The following PRKCI variants were observed in gnomAD, a reference collection of about 807,000 sequenced individuals.
PRKCI encodes protein kinase C iota type.
A neutral mutation model predicts 84.0 loss-of-function variants in PRKCI; 43 were observed. The observed-to-expected ratio is 0.51, with a 90% CI of 0.40 to 0.66. The LOEUF (loss-of-function observed/expected upper bound fraction) is 0.66, where lower values mean the gene tolerates loss of function less well. Ranked by LOEUF, PRKCI falls within the 30% of genes least tolerant of loss-of-function variation. The pLI, the probability that PRKCI is intolerant of heterozygous loss-of-function variation, is 0.00. For missense variants in PRKCI, 459 were observed against 745.6 expected (o/e 0.62, Z 4.48); for synonymous variants, 216 against 234.4 (o/e 0.92, Z 0.72).
intron 2 of PRKCI, among the ~76,000 whole-genome samples, chr3:170,257,355 G>A (rs934948281): frequency 6.6e-6 from 1 of 152,148 alleles, no homozygotes; most frequent in Non-Finnish European, 1.5e-5. Context: ...CTGGTTTCAT[G>A]ACCTTTGCAA....
intron 15 of PRKCI, among the ~76,000 whole-genome samples, chr3:170,296,535 G>A (rs1577377045): frequency 1.3e-5 from 2 of 152,162 alleles, no homozygotes; most frequent in East Asian, 3.8e-4. Flanking sequence ...GGATCTAGGA[G>A]TGTGGTCTTG....
intron 3 of PRKCI, among the ~76,000 whole-genome samples, chr3:170,260,327 A>G (rs1384198520): frequency 6.6e-6 from 1 of 152,226 alleles, no homozygotes; most frequent in Non-Finnish European, 1.5e-5. Flanking sequence ...AATTTATGAT[A>G]GAACTTAAAA....
chr3:170,301,345 A>G (rs1734812779), intron 17 of PRKCI, among the ~76,000 whole-genome samples: 1 of 152,222 alleles, frequency 6.6e-6, no homozygotes, highest in South Asian at 2.1e-4. Flanking sequence ...TGTGAAGAAT[A>G]AATGCATGAT....
intron 12 of PRKCI, among the ~76,000 whole-genome samples, chr3:170,289,282 T>TTA (rs1734477317): frequency 6.6e-6 from 1 of 152,220 alleles, no homozygotes; most frequent in East Asian, 1.9e-4. Flanking sequence ...TAGCATATAA[T>TTA]ATCCCTTTTA....
At chr3:170,246,119 A>AT (rs200136331) in intron 2 of PRKCI, among the ~76,000 whole-genome samples, 3,168 of 150,052 alleles carry the variant, frequency 0.021, 53 homozygotes, top group East Asian at 0.085. Context: ...CGCCCAGCTA[A>AT]TTTTTTTTCT....
At chr3:170,300,329 C>T (rs1734791401) in intron 17 of PRKCI, among the ~76,000 whole-genome samples, 1 of 152,220 alleles carries the variant, frequency 6.6e-6, no homozygotes, top group African/African-American at 2.4e-5. Flanking sequence ...TAACTCTTTT[C>T]ATCATTTTCT....
intron 2 of PRKCI, among the ~76,000 whole-genome samples, chr3:170,253,958 A>T (rs1486759850): frequency 6.6e-6 from 1 of 150,462 alleles, no homozygotes; most frequent in East Asian, 2.0e-4. Flanking sequence ...TTAGCTGGGC[A>T]TGGTGGCACG....
chr3:170,285,241 A>G (rs1335374359), intron 12 of PRKCI, among the ~76,000 whole-genome samples: 1 of 151,632 alleles, frequency 6.6e-6, no homozygotes, highest in Admixed American at 6.6e-5. Flanking sequence ...CACCACGCCC[A>G]GCTAAGTTTT....
chr3:170,226,211 C>G (rs1241975139), intron 1 of PRKCI, among the ~76,000 whole-genome samples: 1 of 152,168 alleles, frequency 6.6e-6, no homozygotes, highest in South Asian at 2.1e-4. Flanking sequence ...TCTTGCCCAG[C>G]CAATTTACAT....
chr3:170,227,412 A>G (rs935196091), intron 1 of PRKCI, among the ~76,000 whole-genome samples: 1 of 152,216 alleles, frequency 6.6e-6, no homozygotes, highest in African/African-American at 2.4e-5. Context: ...TAAGAGTTAC[A>G]ATAGAAACAA....
At chr3:170,279,800 T>TG (rs1734201236) in intron 8 of PRKCI, among the ~76,000 whole-genome samples, 3 of 152,326 alleles carry the variant, frequency 2.0e-5, no homozygotes, top group South Asian at 4.1e-4. Context: ...GAATTTATCA[T>TG]GAAAAACCCA....
At chr3:170,276,300 A>T (rs1013618578) in intron 8 of PRKCI, among the ~76,000 whole-genome samples, 1 of 152,300 alleles carries the variant, frequency 6.6e-6, no homozygotes, top group East Asian at 1.9e-4. Context: ...ATCTATTGTT[A>T]GTTAAAACAG....
intron 12 of PRKCI, among the ~76,000 whole-genome samples, chr3:170,288,702 A>G (rs1215128257): frequency 6.6e-6 from 1 of 152,206 alleles, no homozygotes; most frequent in African/African-American, 2.4e-5. Flanking sequence ...CAGTGAGCTA[A>G]GATCACACCA....
At chr3:170,287,908 C>CA (rs750366555) in intron 12 of PRKCI, among the ~76,000 whole-genome samples, 3,500 of 49,666 alleles carry the variant, frequency 0.07, 210 homozygotes, top group African/African-American at 0.17. Context: ...GACTCTGTCT[C>CA]AAAAAAAAAA....
At chr3:170,268,690 T>TGCA (rs1733924688) in intron 5 of PRKCI, among the ~76,000 whole-genome samples, 3 of 152,214 alleles carry the variant, frequency 2.0e-5, no homozygotes, top group African/African-American at 7.2e-5. Context: ...CTTATCTGGG[T>TGCA]TGTACTACGT....
At chr3:170,248,837 T>C (rs1240362398) in intron 2 of PRKCI, among the ~76,000 whole-genome samples, 1 of 149,322 alleles carries the variant, frequency 6.7e-6, no homozygotes, top group African/African-American at 2.5e-5. Flanking sequence ...AGAATTGGCT[T>C]TTTTCTTTTT....
In PRKCI at chr3:170,263,363, GT is replaced by G; in HGVS notation, c.314-13del. The G allele has an allele frequency of 6.3e-7, 1 of 1,588,132 alleles. No homozygotes were observed. Among genetic ancestry groups the G allele is most frequent in the South Asian group, 1.1e-5 (1 of 90,216 alleles). ...TTAAATATGCTGTTAACTCATGTTC[GT>G]TTATTTTCTTTCAGTGTTCCCTTGT... On this transcript the variant is annotated splice_polypyrimidine_tract_variant and intron_variant, in intron 3 of 17. Coordinates refer to ENST00000295797, the MANE Select transcript of PRKCI (RefSeq NM_002740.6).
Position 170,281,957 on chromosome 3 carries a change from A to G in PRKCI, c.1056A>G (p.Glu352=). The G allele has an allele frequency of 6.2e-7, 1 of 1,611,298 alleles. No homozygotes were observed. The highest frequency in any genetic ancestry group is 8.5e-7 in the Non-Finnish European group (1 of 1,178,654). ...TGCAGCGACAAAGAAAACTTCCTGAAGAACATGCCAGGTGAGTTTTTGTTT... is the reference window on the plus strand; with the variant it reads ...TGCAGCGACAAAGAAAACTTCCTGAGGAACATGCCAGGTGAGTTTTTGTTT... The part of the protein sequence containing the change: ...FHMQRQRKLP[E]EHARFYSAEI... The change falls in exon 11 of 18, where the codon GAA becomes GAG. Residue 352 remains glutamate (E), a synonymous_variant. Coordinates refer to ENST00000295797, the MANE Select transcript of PRKCI (RefSeq NM_002740.6).
At chr3:170,284,346 C>G in intron 11 of PRKCI, 115 bp from the exon 12 acceptor site, 1 of 911,182 alleles carries the variant, frequency 1.1e-6, no homozygotes, top group East Asian at 2.9e-5. Flanking sequence ...CAAATTTGTT[C>G]CTAAAATCAC....
Sources: allele counts gnomAD v4.1 joint callset (sites outside exome capture counted in the v4.1 genomes callset), GRCh38; gene constraint gnomAD v4.1.1; transcripts MANE v1.5; gene names NCBI Gene and HGNC (gene_info 2026-07-23, HGNC 2026-07-21).